Variants in RIMS4 observed in about 807,000 individuals in gnomAD.
RIMS4 encodes the protein regulating synaptic membrane exocytosis protein 4.
RIMS4 carries 9 observed loss-of-function variants against 29.0 expected under a neutral mutation model. The observed-to-expected ratio is 0.31, with a 90% confidence interval of 0.19 to 0.54. The LOEUF is 0.54. Among genes scored for constraint, RIMS4 ranks in the 20% least tolerant of loss-of-function variants. RIMS4 has a pLI of 0.94. For missense variants in RIMS4, 193 were observed against 365.7 expected (o/e 0.53, Z 3.85); for synonymous variants, 130 against 152.9 (o/e 0.85, Z 1.10).
Position 44,757,697 on chromosome 20 carries a change from C to T in RIMS4, c.424G>A (p.Ala142Thr). The change falls in exon 4 of 6, where the codon GCC (alanine) becomes ACC (threonine). Residue 142 changes from alanine (A) to threonine (T), a missense_variant. Ala to Thr is a moderately conservative substitution (Grantham distance 58). Transcript: ENST00000372851. The stretch of plus-strand genomic sequence containing the variant: ...GGCAGTGTCTTGGAGCCTGGCTTGG[C>T]TGTCAGTCCCCGAGCCTGGATAATG... ...VDIIQARGLT[A>T]KPGSKTLPAA... 1 of 1,614,118 alleles carries T rather than the reference C, an allele frequency of 6.2e-7. No individual in the cohort carries two copies. Among genetic ancestry groups the T allele is most frequent in the Non-Finnish European group, 8.5e-7 (1 of 1,179,972 alleles).
intron 1 of RIMS4, among the ~76,000 whole-genome samples, chr20:44,802,329 T>C (rs991445683): frequency 7.2e-5 from 11 of 152,166 alleles, no homozygotes; most frequent in African/African-American, 2.4e-4. Flanking sequence ...CCCTCTTGAG[T>C]ATTTACTATT....
intron 1 of RIMS4, among the ~76,000 whole-genome samples, chr20:44,801,644 T>C (rs2066277717): frequency 6.6e-6 from 1 of 152,160 alleles, no homozygotes; most frequent in South Asian, 2.1e-4. Context: ...GGGTCCAATA[T>C]CCCATGCAAT....
intron 1 of RIMS4, among the ~76,000 whole-genome samples, chr20:44,801,757 G>A (rs774357558): frequency 6.6e-5 from 10 of 152,100 alleles, no homozygotes; most frequent in Admixed American, 2.0e-4. Context: ...CTGGCACAAC[G>A]CAGGCAGCAG....
chr20:44,769,631 C>G (rs886178230), intron 2 of RIMS4, among the ~76,000 whole-genome samples: 1 of 152,262 alleles, frequency 6.6e-6, no homozygotes, highest in South Asian at 2.1e-4. Context: ...CCTTCCTCCT[C>G]CTCCTCCTCC....
At chr20:44,810,036 C>T in intron 1 of RIMS4, 139 bp downstream of exon 1, 1 of 366,164 alleles carries the variant, frequency 2.7e-6, no homozygotes, top group Middle Eastern at 8.7e-4. Context: ...CCTGGGGTCC[C>T]GTGGGTGCGG....
chr20:44,776,296 G>C (rs2145458525), intron 1 of RIMS4, among the ~76,000 whole-genome samples: 1 of 152,102 alleles, frequency 6.6e-6, no homozygotes, highest in South Asian at 2.1e-4. Context: ...AAAAACCTCA[G>C]AATGTTTCTT....
chr20:44,758,000 G>A lies in RIMS4; in HGVS notation c.349+72C>T, dbSNP rs1157640709. 3 of 1,163,778 alleles carry A rather than the reference G, an allele frequency of 2.6e-6. No homozygotes were observed. In the African/African-American group the frequency reaches 4.6e-5, roughly 18 times the overall value. The allele number at this position is 1,163,778 out of a possible 1,614,324, so 72.1% of individuals were successfully genotyped here. The stretch of plus-strand genomic sequence containing the variant: ...GGATCAACAGGCAAAGGGGAAGGAG[G>A]GAGAGACGCTGAGCTTCTGGTGTGA... On this transcript the variant is annotated intron_variant, in intron 3 of 5. Transcript: ENST00000372851.
At chr20:44,809,691 G>A (rs1031307750) in intron 1 of RIMS4, among the ~76,000 whole-genome samples, 1 of 152,164 alleles carries the variant, frequency 6.6e-6, no homozygotes, top group African/African-American at 2.4e-5. Flanking sequence ...TCAAGGCCTG[G>A]GGCGCCGGGC....
In RIMS4 at chr20:44,756,324, A is replaced by G. The variant is rs1234815667; in HGVS notation, c.620T>C (p.Met207Thr). The part of the protein sequence containing the change: ...QVIVWGNYGR[M>T]ERKQFMGVAR... The stretch of plus-strand genomic sequence containing the variant: ...CACACCCATGAACTGCTTCCGCTCC[A>G]TCCGCCCGTAGTTCCCCCACACGAT... Residue 207 changes from methionine (M) to threonine (T), a missense_variant, in exon 6 of 6, where the codon ATG becomes ACG. Met to Thr is a moderately conservative substitution (Grantham distance 81, BLOSUM62 -1). Transcript: ENST00000372851. This position sits in a 1 kb window ranked among gnomAD's most constrained non-coding sequence, Gnocchi z 5.9. 6.2e-7 allele frequency: 1 copy of G among 1,613,948 alleles called. No homozygotes were observed. The highest frequency in any genetic ancestry group is 8.5e-7 in the Non-Finnish European group (1 of 1,179,990).
At chr20:44,771,892 T>C (rs1238076751) in intron 1 of RIMS4, among the ~76,000 whole-genome samples, 3 of 152,094 alleles carry the variant, frequency 2.0e-5, no homozygotes, top group African/African-American at 7.2e-5. Context: ...TAGATACTAA[T>C]AGCAACCCTC....
intron 1 of RIMS4, among the ~76,000 whole-genome samples, chr20:44,784,408 C>A (rs1412169565): frequency 6.6e-6 from 1 of 152,210 alleles, no homozygotes; most frequent in African/African-American, 2.4e-5. Context: ...GCTAGCAAGG[C>A]TTAGTTAAGA....
At chr20:44,803,837 A>C (rs541997025) in intron 1 of RIMS4, among the ~76,000 whole-genome samples, 169 of 152,358 alleles carry the variant, frequency 1.1e-3, no homozygotes, top group Non-Finnish European at 2.0e-3. Flanking sequence ...CAGCCACGGC[A>C]GCTGAGGGCC....
At chr20:44,787,464 T>C (rs540122468) in intron 1 of RIMS4, among the ~76,000 whole-genome samples, 2 of 152,244 alleles carry the variant, frequency 1.3e-5, no homozygotes, top group South Asian at 2.1e-4. Flanking sequence ...ATTTTATAGA[T>C]AGGGAAGCTG....
chr20:44,788,001 A>C (rs1460889250), intron 1 of RIMS4, among the ~76,000 whole-genome samples: 1 of 152,246 alleles, frequency 6.6e-6, no homozygotes, highest in Non-Finnish European at 1.5e-5. Context: ...ACAAACTAGG[A>C]AACTGAGACA....
At chr20:44,794,310 G>A (rs1201910347) in intron 1 of RIMS4, among the ~76,000 whole-genome samples, 2 of 152,076 alleles carry the variant, frequency 1.3e-5, no homozygotes, top group Middle Eastern at 3.2e-3. Context: ...TTGAGGAGTC[G>A]CATCTGTAGG....
intron 2 of RIMS4, among the ~76,000 whole-genome samples, chr20:44,770,449 C>A (rs2066131991): frequency 6.6e-6 from 1 of 152,128 alleles, no homozygotes; most frequent in African/African-American, 2.4e-5. Flanking sequence ...TGAGGGTGTA[C>A]ATGCACTGAG....
intron 1 of RIMS4, among the ~76,000 whole-genome samples, chr20:44,805,599 C>T (rs761677748): frequency 6.0e-4 from 92 of 152,162 alleles, no homozygotes; most frequent in Non-Finnish European, 8.8e-4. Context: ...TTTAAGGCCT[C>T]CTCCCTCATC....
intron 2 of RIMS4, among the ~76,000 whole-genome samples, chr20:44,770,187 C>T (rs1450429101): frequency 6.6e-6 from 1 of 152,114 alleles, no homozygotes; most frequent in East Asian, 1.9e-4. Context: ...TAGCTAGGAC[C>T]ATGAAGCGAT....
rs536036504 is a variant in RIMS4, at chr20:44,753,888, G to A, written c.*2246C>T. ...CACCCCCAGGTGTTGTTATTGCTTC[G>A]GAGCTCTCTCTCTCTTTATAAAGGC... is the stretch of plus-strand genomic sequence containing the variant. On this transcript the variant is annotated 3_prime_UTR_variant, in exon 6 of 6. Coordinates refer to ENST00000372851, the MANE Select transcript of RIMS4 (RefSeq NM_182970.4). 5 of 152,642 alleles carry A rather than the reference G, an allele frequency of 3.3e-5. No homozygotes were observed. The highest frequency in any genetic ancestry group is 2.1e-4 in the South Asian group (1 of 4,808). 9.5% of individuals were successfully genotyped at this position (152,642 alleles called of 1,614,324 possible).
Sources: gnomAD v4.1 joint callset for allele counts (sites outside exome capture counted in the v4.1 genomes callset) on GRCh38, gnomAD v4.1.1 for gene constraint, Gnocchi (gnomAD v3.1) non-coding constraint, MANE v1.5 for transcripts, NCBI Gene and HGNC (gene_info 2026-07-23, HGNC 2026-07-21) for gene names.